The following SDK1 variants were observed in gnomAD, a reference collection of about 807,000 sequenced individuals.
The protein encoded by SDK1 is sidekick cell adhesion molecule 1.
Under a neutral mutation model 245.5 loss-of-function variants are expected in SDK1, and 157 were observed. The observed-to-expected ratio is 0.64, with a 90% CI of 0.56 to 0.73. The LOEUF (loss-of-function observed/expected upper bound fraction) is 0.73. Ranked by LOEUF, SDK1 falls within the 30% of genes least tolerant of loss-of-function variation. The pLI, the probability that SDK1 is intolerant of heterozygous loss-of-function variation, is 0.00. For missense variants in SDK1, 3,583 were observed against 3,002.3 expected, an observed-to-expected ratio of 1.19 and a Z score of -4.52; for synonymous variants, 1,647 against 1,278.5, an observed-to-expected ratio of 1.29 and a Z score of -6.15.
intron 1 of SDK1, among the ~76,000 whole-genome samples, chr7:3,411,354 C>A (rs563646070): frequency 6.6e-6 from 1 of 152,288 alleles, no homozygotes; most frequent in African/African-American, 2.4e-5. Flanking sequence ...GATTAAATTT[C>A]CTTTTGGAGC....
intron 1 of SDK1, among the ~76,000 whole-genome samples, chr7:3,453,375 C>T (rs1365533464): frequency 6.6e-6 from 1 of 152,172 alleles, no homozygotes; most frequent in Non-Finnish European, 1.5e-5. Context: ...CACATCAAAT[C>T]CCTGGAACCT....
chr7:3,536,976 T>C (rs1035354236), intron 1 of SDK1, among the ~76,000 whole-genome samples: 4 of 150,312 alleles, frequency 2.7e-5, no homozygotes, highest in Non-Finnish European at 4.4e-5. Flanking sequence ...TTTTCTTCAA[T>C]CTCTCTATTT....
chr7:3,685,806 G>C lies in SDK1; in HGVS notation c.713+43701G>C, dbSNP rs868117586. On this transcript the variant is annotated intron_variant, in intron 4 of 44. Coordinates refer to ENST00000404826, the MANE Select transcript of SDK1 (RefSeq NM_152744.4). ...AAAACGTTAGAAATAAATCACAACG[G>C]ACTTCTAAAAAATACTCAACCTATA... Among the ~76,000 whole-genome samples, 5 of 151,838 alleles carry C rather than the reference G, an allele frequency of 3.3e-5. No individual in the cohort carries two copies. In the East Asian group the frequency reaches 7.7e-4, roughly 23 times the overall value.
chr7:4,089,696 C>T (rs1255188212), intron 22 of SDK1, among the ~76,000 whole-genome samples: 1 of 152,252 alleles, frequency 6.6e-6, no homozygotes, highest in African/African-American at 2.4e-5. Context: ...TCACAGCCTG[C>T]AGCCAGTGGT....
At chr7:3,983,870 G>C (rs1043121981) in intron 13 of SDK1, among the ~76,000 whole-genome samples, 8 of 152,126 alleles carry the variant, frequency 5.3e-5, no homozygotes, top group African/African-American at 1.4e-4. Context: ...TGAGCCAATG[G>C]AGTGACTTCG....
chr7:3,473,973 A>C (rs1177402127), intron 1 of SDK1, among the ~76,000 whole-genome samples: 1 of 152,044 alleles, frequency 6.6e-6, no homozygotes, highest in Non-Finnish European at 1.5e-5. Context: ...TTTCAGGCTC[A>C]AATGCCTCGA....
intron 19 of SDK1, among the ~76,000 whole-genome samples, chr7:4,060,006 A>C (rs371221529): frequency 6.7e-6 from 1 of 150,062 alleles, no homozygotes; most frequent in Non-Finnish European, 1.5e-5. Flanking sequence ...CAGCCTCCTC[A>C]GTAGCTGGGA....
intron 1 of SDK1, among the ~76,000 whole-genome samples, chr7:3,566,430 T>A (rs1323831551): frequency 6.6e-6 from 1 of 152,090 alleles, no homozygotes; most frequent in East Asian, 1.9e-4. Context: ...TTTCACTGTG[T>A]TAGCCAGGAT....
intron 5 of SDK1, among the ~76,000 whole-genome samples, chr7:3,864,574 A>G (rs986203617): frequency 1.2e-4 from 18 of 152,222 alleles, no homozygotes; most frequent in Non-Finnish European, 2.2e-4. Context: ...CAACAAAACC[A>G]GAGCTGAACT....
intron 22 of SDK1, among the ~76,000 whole-genome samples, chr7:4,093,322 A>G: frequency 6.6e-6 from 1 of 152,160 alleles, no homozygotes; most frequent in East Asian, 1.9e-4. Flanking sequence ...ATTCGCAGCC[A>G]TTTGCTGTGC....
At chr7:4,139,665 GTGTGTGTGTATA>G (rs1779414250) in intron 28 of SDK1, among the ~76,000 whole-genome samples, 3 of 68,674 alleles carry the variant, frequency 4.4e-5, no homozygotes, top group African/African-American at 7.3e-5. Context: ...GTGTGTATAT[GTGTGTGTGTATA>G]TGTGTGTGTG....
At chr7:4,093,480 A>G (rs1490198811) in intron 22 of SDK1, among the ~76,000 whole-genome samples, 2 of 139,588 alleles carry the variant, frequency 1.4e-5, no homozygotes, top group Non-Finnish European at 3.1e-5. Flanking sequence ...AAAAAAAAAA[A>G]AAAGTCCCAC....
chr7:3,742,814 G>C (rs755756383), intron 4 of SDK1, among the ~76,000 whole-genome samples: 1 of 152,144 alleles, frequency 6.6e-6, no homozygotes, highest in Non-Finnish European at 1.5e-5. Flanking sequence ...TACAAGGTCA[G>C]TGTCCTTTTG....
At chr7:3,336,881 TGGGGGGCTAGTGGGTA>T (rs1277664526) in intron 1 of SDK1, among the ~76,000 whole-genome samples, 2 of 151,986 alleles carry the variant, frequency 1.3e-5, no homozygotes, top group Non-Finnish European at 2.9e-5. Flanking sequence ...TGGTGGGGAG[TGGGGGGCTAGTGGGTA>T]ACTGAATGTG....
At chr7:4,142,351 CAG>C (rs982433680) in intron 28 of SDK1, among the ~76,000 whole-genome samples, 4 of 152,132 alleles carry the variant, frequency 2.6e-5, no homozygotes, top group African/African-American at 9.7e-5. Context: ...TTGCTGGAGA[CAG>C]AGTCTTGCTC....
At chr7:3,748,982 T>TCAAC (rs140366397) in intron 4 of SDK1, among the ~76,000 whole-genome samples, 3 of 152,026 alleles carry the variant, frequency 2.0e-5, no homozygotes, top group African/African-American at 4.8e-5. Context: ...GGAAAAAAAA[T>TCAAC]CAACCAACCA....
intron 1 of SDK1, among the ~76,000 whole-genome samples, chr7:3,524,175 A>G (rs553607370): frequency 6.6e-6 from 1 of 152,332 alleles, no homozygotes; most frequent in South Asian, 2.1e-4. Context: ...AAACACCCGC[A>G]TTAATTGCTT....
rs573361150 is a variant in SDK1 at position 4,171,317 on chromosome 7, C to T, written c.4801-2905C>T. 8.5e-5 allele frequency among the ~76,000 whole-genome samples: 13 copies of T among 152,286 alleles called. No homozygotes were observed. The East Asian group carries it at 2.1e-3, about 25-fold the overall frequency. ...GTTTCTCTAGCTCTATTACTGGAGG[C>T]GCTTTGAAAAGCTTTTCCATCTGTA... On this transcript the variant is annotated intron_variant, in intron 32 of 44. Transcript: ENST00000404826.
At chr7:4,077,355 GC>G (rs1780754657) in intron 21 of SDK1, among the ~76,000 whole-genome samples, 166 bp downstream of exon 21, 1 of 152,208 alleles carries the variant, frequency 6.6e-6, no homozygotes, top group Non-Finnish European at 1.5e-5. Context: ...CCCCACTTCA[GC>G]CCCATTCTCC....
Sources: allele counts gnomAD v4.1 joint callset (sites outside exome capture counted in the v4.1 genomes callset), GRCh38; gene constraint gnomAD v4.1.1; transcripts MANE v1.5; gene names NCBI Gene and HGNC (gene_info 2026-07-23, HGNC 2026-07-21).